AMPD3: variants seen among roughly 807,000 people sequenced by gnomAD.
The protein encoded by AMPD3 is adenosine monophosphate deaminase 3, also known as AMP deaminase 3.
In AMPD3, 57 loss-of-function variants were observed where a neutral mutation model predicts 82.3. The observed-to-expected ratio is 0.69, with a 90% confidence interval of 0.56 to 0.86. AMPD3 has a LOEUF of 0.86. Ranked by LOEUF, AMPD3 falls within the 40% of genes least tolerant of loss-of-function variation. AMPD3 has a pLI of 0.00. For missense variants in AMPD3, 870 were observed against 1,003.8 expected, an observed-to-expected ratio of 0.87 and a Z score of 1.80; for synonymous variants, 381 against 394.7, an observed-to-expected ratio of 0.97 and a Z score of 0.41.
At chr11:10,468,658 A>G (rs1848493008) in intron 2 of AMPD3, among the ~76,000 whole-genome samples, 1 of 150,652 alleles carries the variant, frequency 6.6e-6, no homozygotes, top group Non-Finnish European at 1.5e-5. Flanking sequence ...CAGCTCTGGA[A>G]CAAGCTCCAA....
chr11:10,493,702 G>C, intron 7 of AMPD3, 159 bp downstream of exon 7: 1 of 853,290 alleles, frequency 1.2e-6, no homozygotes, highest in East Asian at 2.6e-5. Flanking sequence ...GAGAATAACA[G>C]GTCTGGGGCA....
At chr11:10,489,569 AC>A (rs373032806) in intron 6 of AMPD3, among the ~76,000 whole-genome samples, 70 of 152,128 alleles carry the variant, frequency 4.6e-4, no homozygotes, top group African/African-American at 1.6e-3. Flanking sequence ...GATATCTATG[AC>A]CCAGTGGCCT....
At position 10,462,522 on chromosome 11, in the gene AMPD3, G is replaced by A. The variant is rs941866436; in HGVS notation, c.221+782G>A. Among the ~76,000 whole-genome samples the A allele has an allele frequency of 9.1e-4, 138 of 152,192 alleles. 2 individuals are homozygous for A. The highest frequency in any genetic ancestry group is 1.0e-4 in the Non-Finnish European group (7 of 68,032). ...CTGCAGAGATGCCTCCCAAGGCAGAGATGGAGGCAGGCAATACCTCGTTTG... is the reference window on the plus strand; with the variant it reads ...CTGCAGAGATGCCTCCCAAGGCAGAAATGGAGGCAGGCAATACCTCGTTTG... On this transcript the variant is annotated intron_variant, in intron 2 of 14. Transcript: ENST00000396553.
upstream of AMPD3, among the ~76,000 whole-genome samples, chr11:10,453,307 T>C (rs1200799850): frequency 6.6e-6 from 1 of 152,244 alleles, no homozygotes; most frequent in Non-Finnish European, 1.5e-5. Context: ...CATAGGTGGA[T>C]TGATCTATTA....
intron 14 of AMPD3, 150 bp downstream of exon 14, chr11:10,504,809 C>A (rs1316884715): frequency 3.8e-6 from 3 of 794,724 alleles, no homozygotes; most frequent in Non-Finnish European, 6.4e-6. Context: ...GCGGCAGCCT[C>A]CTGTGTTTTC....
intron 10 of AMPD3, 55 bp from the exon 11 acceptor site, chr11:10,500,031 C>G: frequency 1.2e-6 from 2 of 1,610,542 alleles, no homozygotes; most frequent in Non-Finnish European, 1.7e-6. Context: ...GAGGCTGAAC[C>G]GAGGCTGAGT....
chr11:10,505,279 TG>T (rs145069983), intron 14 of AMPD3: 224,556 of 985,174 alleles, frequency 0.23, 26,960 homozygotes, highest in Non-Finnish European at 0.24. Flanking sequence ...GCTCGTCGGA[TG>T]ATGATGCAGC....
intron 2 of AMPD3, among the ~76,000 whole-genome samples, chr11:10,462,847 C>A (rs1483004060): frequency 1.3e-5 from 2 of 152,156 alleles, no homozygotes; most frequent in East Asian, 3.9e-4. Context: ...AGCTATGTGG[C>A]CTTCCAGATA....
At chr11:10,497,870 C>T (rs1016722521) in intron 10 of AMPD3, 14 of 978,350 alleles carry the variant, frequency 1.4e-5, no homozygotes, top group East Asian at 1.1e-4. Flanking sequence ...ACAATTACCC[C>T]GTTACTATCA....
chr11:10,501,537 G>C lies in AMPD3; in HGVS notation c.1789G>C (p.Val597Leu), dbSNP rs1395977232. The C allele has an allele frequency of 6.2e-7, 1 of 1,614,148 alleles. No homozygotes were observed. ...GGAAGCCGGCTCCATCACCCACCTG[G>C]TGTCTGCCTTCCTCACTGCTGACAA... ...CGEAGSITHL[V>L]SAFLTADNIS... Residue 597 changes from valine to leucine, a missense_variant, in exon 12 of 15, where the codon GTG becomes CTG. Transcript: ENST00000396553.
rs1429987588 is a variant in AMPD3 at position 10,505,964 on chromosome 11, T to C, written c.*80T>C. 6.5e-7 allele frequency: 1 copy of C among 1,540,478 alleles called. No individual in the cohort carries two copies. The highest frequency in any genetic ancestry group is 8.9e-7 in the Non-Finnish European group (1 of 1,119,474). On this transcript the variant is annotated 3_prime_UTR_variant, in exon 15 of 15. Coordinates refer to ENST00000396553, the MANE Select transcript of AMPD3 (RefSeq NM_001025389.2). ...GCTAATAGTGGTCAAGATTCCGAAC[T>C]AGGACTTTCCTCTGTGAAGAGGATG...
intron 10 of AMPD3, chr11:10,497,541 G>A: frequency 1.0e-6 from 1 of 982,638 alleles, no homozygotes; most frequent in Non-Finnish European, 1.2e-6. Context: ...CCAGTGCCTG[G>A]TGATGGATGA....
rs769751034 is a variant in AMPD3, at chr11:10,501,477, G to A, written c.1729G>A (p.Gly577Ser). 200 of 1,613,910 alleles carry A rather than the reference G, an allele frequency of 1.2e-4. No homozygotes were observed. Among genetic ancestry groups the A allele is most frequent in the Non-Finnish European group, 1.6e-4 (183 of 1,179,988 alleles). The change falls in exon 12 of 15, where the codon GGC becomes AGC. Residue 577 changes from glycine to serine, a missense_variant. Transcript: ENST00000396553. The stretch of plus-strand genomic sequence containing the variant: ...AAACCCCTTCTCTTACAGGGAGCGC[G>A]GCCTGAGCACGTTCCTGTTCCGGCC... Reference protein sequence around the residue: ...MVLNNLRRERGLSTFLFRPHC... With the variant: ...MVLNNLRRERSLSTFLFRPHC...
chr11:10,496,156 C>T (rs986832377), intron 9 of AMPD3: 2 of 884,868 alleles, frequency 2.3e-6, no homozygotes, highest in Non-Finnish European at 2.7e-6. Context: ...ACCTCGTGAT[C>T]CACCTGCCTC....
In AMPD3 at chr11:10,456,286, C is replaced by G; in HGVS notation, c.-6+838C>G. The G allele has an allele frequency of 6.3e-7, 1 of 1,589,938 alleles. No homozygotes were observed. Among genetic ancestry groups the G allele is most frequent in the Non-Finnish European group, 8.6e-7 (1 of 1,165,180 alleles). On this transcript the variant is annotated intron_variant, in intron 1 of 14. Transcript: ENST00000396553. The surrounding 1 kb of genome is among the most constrained non-coding windows in gnomAD (Gnocchi z 4.3). ...CTCCTACTCCAGCCGGCAGACAGGA[C>G]CCAGCCAGCTGCACGCACGCACTGA...
chr11:10,496,768 G>A (rs1420876612), intron 9 of AMPD3, 44 bp from the exon 10 acceptor site: 14 of 1,613,918 alleles, frequency 8.7e-6, no homozygotes, highest in Non-Finnish European at 1.2e-5. Context: ...CAGGGCAGCA[G>A]GCTGTTGGAT....
chr11:10,473,504 G>A, intron 2 of AMPD3: 1 of 985,298 alleles, frequency 1.0e-6, no homozygotes, highest in Non-Finnish European at 1.2e-6. Flanking sequence ...GGTTTCCAGA[G>A]GAGCTCAGGG....
chr11:10,467,945 T>C (rs962163389), intron 2 of AMPD3, among the ~76,000 whole-genome samples: 2 of 152,120 alleles, frequency 1.3e-5, no homozygotes, highest in African/African-American at 4.8e-5. Context: ...AGAAATAAAA[T>C]CCTTTACAGA....
At chr11:10,475,741 A>G (rs1312318981) in intron 2 of AMPD3, among the ~76,000 whole-genome samples, 2 of 152,174 alleles carry the variant, frequency 1.3e-5, no homozygotes, top group Non-Finnish European at 2.9e-5. Context: ...ATTCAAAGCA[A>G]CAGCACAATG....
Sources: gnomAD v4.1 joint callset for allele counts (sites outside exome capture counted in the v4.1 genomes callset) on GRCh38, gnomAD v4.1.1 for gene constraint, Gnocchi (gnomAD v3.1) non-coding constraint, MANE v1.5 for transcripts, NCBI Gene and HGNC (gene_info 2026-07-23, HGNC 2026-07-21) for gene names.